Variants in LRGUK observed in about 807,000 individuals in gnomAD.
LRGUK encodes leucine-rich repeat and guanylate kinase domain-containing protein.
In LRGUK, 65 loss-of-function variants were observed where a neutral mutation model predicts 76.0. The observed-to-expected ratio is 0.85, with a 90% confidence interval of 0.70 to 1.05. LRGUK has a LOEUF of 1.05. Ranked by LOEUF, LRGUK falls within the 50% of genes least tolerant of loss-of-function variation. The pLI, the probability that LRGUK is intolerant of heterozygous loss-of-function variation, is 0.00. For synonymous variants in LRGUK, 268 were observed against 265.6 expected (o/e 1.01, Z -0.09); for missense variants, 758 against 732.8 (o/e 1.03, Z -0.40).
At chr7:134,160,559 A>G (rs1355499126) in intron 6 of LRGUK, among the ~76,000 whole-genome samples, 6 of 152,198 alleles carry the variant, frequency 3.9e-5, no homozygotes, top group African/African-American at 1.4e-4. Context: ...TTACATTACA[A>G]TTTAGAGAAA....
chr7:134,144,152 T>G (rs1797878738), intron 4 of LRGUK, among the ~76,000 whole-genome samples: 1 of 152,206 alleles, frequency 6.6e-6, no homozygotes, highest in Non-Finnish European at 1.5e-5. Flanking sequence ...TTCAGCCTCC[T>G]GGGCTCAAGT....
At chr7:134,141,405 G>C (rs1398857129) in intron 3 of LRGUK, among the ~76,000 whole-genome samples, 2 of 152,140 alleles carry the variant, frequency 1.3e-5, no homozygotes, top group Admixed American at 1.3e-4. Context: ...GATGCTGCTG[G>C]TCCGGGACCA....
chr7:134,139,483 A>G, exon 3 of LRGUK: 1 of 1,610,330 alleles, frequency 6.2e-7, no homozygotes, highest in Non-Finnish European at 8.5e-7. Flanking sequence ...ATGTTCATCT[A>G]CAGAAGTTGG....
intron 8 of LRGUK, among the ~76,000 whole-genome samples, chr7:134,175,742 C>A (rs1799451781): frequency 1.3e-5 from 2 of 152,118 alleles, no homozygotes; most frequent in Admixed American, 6.5e-5. Context: ...TATAACAGAT[C>A]ATCCGCTAAT....
At chr7:134,267,284 G>A (rs1267050163), downstream of LRGUK, among the ~76,000 whole-genome samples, 1 of 152,174 alleles carries the variant, frequency 6.6e-6, no homozygotes, top group East Asian at 1.9e-4. Flanking sequence ...GGATGTAGCT[G>A]GAGGCCATTA....
intron 19 of LRGUK, among the ~76,000 whole-genome samples, chr7:134,259,171 G>A (rs1032040532): frequency 1.3e-5 from 2 of 152,114 alleles, no homozygotes; most frequent in African/African-American, 2.4e-5. Context: ...TTTGCCCCTA[G>A]ATCCCAAACA....
At chr7:134,129,171 G>A (rs1359766488) in intron 1 of LRGUK, among the ~76,000 whole-genome samples, 8 of 71,340 alleles carry the variant, frequency 1.1e-4, no homozygotes, top group Admixed American at 8.8e-4. Context: ...TCTTTCTTTC[G>A]TTTTTTCTTC....
At chr7:134,150,283 C>A (rs201346425) in intron 5 of LRGUK, among the ~76,000 whole-genome samples, 10 of 147,134 alleles carry the variant, frequency 6.8e-5, no homozygotes, top group Non-Finnish European at 6.0e-5. Context: ...TCTCAAAAAA[C>A]AAAAAAAACA....
At chr7:134,175,626 T>C (rs908561804) in intron 8 of LRGUK, among the ~76,000 whole-genome samples, 2 of 152,202 alleles carry the variant, frequency 1.3e-5, no homozygotes, top group African/African-American at 2.4e-5. Flanking sequence ...GCTTTGTACA[T>C]TCACCTCATA....
the LRGUK span, among the ~76,000 whole-genome samples, chr7:134,274,149 G>C: frequency 1.3e-5 from 2 of 152,326 alleles, no homozygotes; most frequent in East Asian, 3.9e-4. Flanking sequence ...TTGAAATGTG[G>C]CTGGTGTGAC....
chr7:134,260,249 T>C (rs1006819342), intron 19 of LRGUK, among the ~76,000 whole-genome samples: 2 of 152,072 alleles, frequency 1.3e-5, no homozygotes, highest in Admixed American at 6.5e-5. Context: ...TTGAGCCAGA[T>C]AAGATGAGTT....
intron 15 of LRGUK, among the ~76,000 whole-genome samples, chr7:134,203,974 G>A (rs78496580): frequency 0.039 from 5,873 of 152,158 alleles, 239 homozygotes; most frequent in East Asian, 0.15. Context: ...TGTACCCTAC[G>A]TTACCCACCC....
chr7:134,165,794 T>A (rs921262498), intron 7 of LRGUK, among the ~76,000 whole-genome samples: 11 of 152,210 alleles, frequency 7.2e-5, no homozygotes, highest in Non-Finnish European at 1.6e-4. Context: ...ACAGCACAGA[T>A]CTAGAAATAC....
At chr7:134,164,690 G>A (rs909751313) in intron 7 of LRGUK, among the ~76,000 whole-genome samples, 9 of 152,212 alleles carry the variant, frequency 5.9e-5, no homozygotes, top group African/African-American at 2.2e-4. Context: ...GTGAGCTGGG[G>A]TGTTGTGGGG....
chr7:134,204,070 G>T (rs191491725), intron 15 of LRGUK, among the ~76,000 whole-genome samples: 1 of 152,240 alleles, frequency 6.6e-6, no homozygotes, highest in African/African-American at 2.4e-5. Context: ...TGTGGGTTTG[G>T]ATAAACATGA....
chr7:134,210,978 G>C (rs1453884435), downstream of LRGUK, among the ~76,000 whole-genome samples: 1 of 152,170 alleles, frequency 6.6e-6, no homozygotes, highest in Non-Finnish European at 1.5e-5. Flanking sequence ...GCCATCCCTG[G>C]AGCCACCAGC....
At chr7:134,142,482 C>T (rs562034192) in intron 3 of LRGUK, among the ~76,000 whole-genome samples, 2 of 152,302 alleles carry the variant, frequency 1.3e-5, no homozygotes, top group South Asian at 4.1e-4. Flanking sequence ...AAATGCAAAA[C>T]TCGGATGTAC....
intron 1 of LRGUK, among the ~76,000 whole-genome samples, chr7:134,133,787 C>CGGT (rs1797409638): frequency 6.6e-6 from 1 of 152,048 alleles, no homozygotes; most frequent in Non-Finnish European, 1.5e-5. Flanking sequence ...GGTCCAGGTG[C>CGGT]GGTGGCTCAT....
At chr7:134,238,991 C>A (rs1802073338) in intron 16 of LRGUK, among the ~76,000 whole-genome samples, 1 of 152,296 alleles carries the variant, frequency 6.6e-6, no homozygotes, top group East Asian at 1.9e-4. Flanking sequence ...CCACTCCCAT[C>A]ACCTTCTCTG....
Sources: gnomAD v4.1 joint callset for allele counts (sites outside exome capture counted in the v4.1 genomes callset) on GRCh38, gnomAD v4.1.1 for gene constraint, MANE v1.5 for transcripts, NCBI Gene and HGNC (gene_info 2026-07-23, HGNC 2026-07-21) for gene names.